Variants in RFX3 observed in about 807,000 individuals in gnomAD.
RFX3 encodes the protein transcription factor RFX3.
In RFX3, 14 loss-of-function variants were observed where a neutral mutation model predicts 98.6. That is an observed-to-expected ratio of 0.14 (90% CI 0.09 to 0.22). RFX3 has a LOEUF of 0.22. RFX3 is among the 10% of genes least tolerant of loss of function. The probability of loss-of-function intolerance (pLI) is 1.00; values close to 1 mark genes in which losing one functional copy is unlikely to be tolerated. For missense variants in RFX3, 639 were observed against 926.9 expected, an observed-to-expected ratio of 0.69 and a Z score of 4.03; for synonymous variants, 383 against 328.4, an observed-to-expected ratio of 1.17 and a Z score of -1.80.
At chr9:3,438,639 G>C (rs2132651976) in intron 1 of RFX3, among the ~76,000 whole-genome samples, 1 of 152,004 alleles carries the variant, frequency 6.6e-6, no homozygotes, top group East Asian at 1.9e-4. Context: ...CTGCCTGTGA[G>C]AAATATACAT....
intron 1 of RFX3, among the ~76,000 whole-genome samples, chr9:3,518,406 A>G (rs1025332055): frequency 6.6e-6 from 1 of 152,188 alleles, no homozygotes; most frequent in Non-Finnish European, 1.5e-5. Flanking sequence ...TACAAAAATA[A>G]CGCAAAGGGG....
intron 2 of RFX3, among the ~76,000 whole-genome samples, chr9:3,358,989 G>T (rs550076242): frequency 6.6e-6 from 1 of 151,738 alleles, no homozygotes; most frequent in East Asian, 1.9e-4. Context: ...TTGACACATG[G>T]GGATTATTAC....
At chr9:3,370,146 C>G (rs888782795) in intron 2 of RFX3, among the ~76,000 whole-genome samples, 21 of 148,956 alleles carry the variant, frequency 1.4e-4, no homozygotes, top group Non-Finnish European at 2.7e-4. Flanking sequence ...CAGCCCAGAG[C>G]AGTTTTTTTA....
At chr9:3,339,645 C>T (rs1303161706) in intron 3 of RFX3, among the ~76,000 whole-genome samples, 1 of 152,108 alleles carries the variant, frequency 6.6e-6, no homozygotes, top group Non-Finnish European at 1.5e-5. Flanking sequence ...AGGTATTAGA[C>T]AGAGAACAGG....
At chr9:3,438,118 C>A (rs1337837552) in intron 1 of RFX3, among the ~76,000 whole-genome samples, 4 of 152,050 alleles carry the variant, frequency 2.6e-5, no homozygotes, top group African/African-American at 7.2e-5. Context: ...CAGTGTGTCA[C>A]CTCCTCAGAG....
At chr9:3,286,256 C>T (rs902310834) in intron 7 of RFX3, among the ~76,000 whole-genome samples, 1 of 151,714 alleles carries the variant, frequency 6.6e-6, no homozygotes, top group Non-Finnish European at 1.5e-5. Flanking sequence ...CAATCATAAC[C>T]CAAAATAGTA....
At chr9:3,433,391 T>A (rs2132565565) in intron 1 of RFX3, among the ~76,000 whole-genome samples, 1 of 152,314 alleles carries the variant, frequency 6.6e-6, no homozygotes, top group Non-Finnish European at 1.5e-5. Context: ...AGTAAATATA[T>A]TTTTTCTTCC....
At chr9:3,441,278 A>T (rs1379792374) in intron 1 of RFX3, among the ~76,000 whole-genome samples, 1 of 152,080 alleles carries the variant, frequency 6.6e-6, no homozygotes, top group Non-Finnish European at 1.5e-5. Flanking sequence ...TATTTAGTTT[A>T]ATATATATAC....
At chr9:3,358,886 A>C (rs1836081300) in intron 2 of RFX3, among the ~76,000 whole-genome samples, 1 of 151,970 alleles carries the variant, frequency 6.6e-6, no homozygotes, top group Admixed American at 6.6e-5. Context: ...CCCTTATAAA[A>C]CCATCAGATC....
At chr9:3,460,811 CT>C (rs2133052889) in intron 1 of RFX3, among the ~76,000 whole-genome samples, 1 of 151,644 alleles carries the variant, frequency 6.6e-6, no homozygotes, top group Non-Finnish European at 1.5e-5. Flanking sequence ...ATACATGCTT[CT>C]ATTTCTACAG....
At chr9:3,249,964 A>G (rs1211171756) in intron 14 of RFX3, among the ~76,000 whole-genome samples, 2 of 152,064 alleles carry the variant, frequency 1.3e-5, no homozygotes, top group Non-Finnish European at 2.9e-5. Flanking sequence ...AAAATAAATG[A>G]ATACTTTCAT....
At chr9:3,366,693 C>CCTTTCTTTCTTTTCTTTCTTTCTTT in intron 2 of RFX3, among the ~76,000 whole-genome samples, 1 of 85,490 alleles carries the variant, frequency 1.2e-5, no homozygotes. Flanking sequence ...TTCTTTCTTT[C>CCTTTCTTTCTTTTCTTTCTTTCTTT]CTTTCTTTCT....
chr9:3,367,498 T>C (rs986712275), intron 2 of RFX3, among the ~76,000 whole-genome samples: 5 of 152,206 alleles, frequency 3.3e-5, no homozygotes, highest in Admixed American at 1.3e-4. Flanking sequence ...CCCAGACTTA[T>C]GACCTCCAAA....
chr9:3,227,875 T>C (rs998299231), intron 16 of RFX3, among the ~76,000 whole-genome samples: 1 of 152,208 alleles, frequency 6.6e-6, no homozygotes, highest in Non-Finnish European at 1.5e-5. Context: ...AGTACCTTAA[T>C]ATTGCACACT....
At chr9:3,443,010 A>C (rs1425314276) in intron 1 of RFX3, among the ~76,000 whole-genome samples, 1 of 152,206 alleles carries the variant, frequency 6.6e-6, no homozygotes, top group Non-Finnish European at 1.5e-5. Context: ...AATGTAAAGA[A>C]CTCTCAAAAC....
intron 15 of RFX3, among the ~76,000 whole-genome samples, chr9:3,234,974 G>T (rs1263727752): frequency 6.6e-6 from 1 of 152,224 alleles, no homozygotes; most frequent in African/African-American, 2.4e-5. Flanking sequence ...TTTAAAGACA[G>T]AAATGAGTGA....
At chr9:3,481,143 G>A (rs1020255069) in intron 1 of RFX3, among the ~76,000 whole-genome samples, 45 of 151,960 alleles carry the variant, frequency 3.0e-4, no homozygotes, top group Non-Finnish European at 5.9e-4. Context: ...AACTCAATAC[G>A]GTAGGTATTA....
intron 7 of RFX3, among the ~76,000 whole-genome samples, chr9:3,281,588 G>C (rs1039521082): frequency 1.3e-5 from 2 of 151,712 alleles, no homozygotes; most frequent in African/African-American, 2.4e-5. Flanking sequence ...AAATTAGTAA[G>C]AGGCAAATGA....
intron 1 of RFX3, among the ~76,000 whole-genome samples, chr9:3,424,582 G>C (rs925486570): frequency 6.6e-6 from 1 of 151,344 alleles, no homozygotes; most frequent in Admixed American, 6.6e-5. Context: ...GGATGGTCTC[G>C]ATCTCCTGAC....
Sources: allele counts gnomAD v4.1 joint callset (sites outside exome capture counted in the v4.1 genomes callset), GRCh38; gene constraint gnomAD v4.1.1; transcripts MANE v1.5; gene names NCBI Gene and HGNC (gene_info 2026-07-23, HGNC 2026-07-21).